TMEM65: variants seen among roughly 807,000 people sequenced by gnomAD.
The protein encoded by TMEM65 is transmembrane protein 65.
TMEM65 carries 22 observed loss-of-function variants against 25.4 expected under a neutral mutation model. The observed-to-expected ratio is 0.86, with a 90% CI of 0.62 to 1.23. The LOEUF (loss-of-function observed/expected upper bound fraction) is 1.23, where lower values mean the gene tolerates loss of function less well. Ranked by LOEUF, TMEM65 falls within the 50% of genes most tolerant of loss-of-function variation. The probability of loss-of-function intolerance (pLI) is 0.00; values close to 1 mark genes in which losing one functional copy is unlikely to be tolerated. For synonymous variants in TMEM65, 132 were observed against 126.2 expected (o/e 1.05, Z -0.31); for missense variants, 262 against 308.2 (o/e 0.85, Z 1.12).
chr8:124,361,254 C>G (rs1451624097), intron 1 of TMEM65, among the ~76,000 whole-genome samples: 14 of 149,978 alleles, frequency 9.3e-5, no homozygotes, highest in Admixed American at 6.6e-5. Context: ...GCCAACATGG[C>G]GAGACCCTGT....
intron 1 of TMEM65, among the ~76,000 whole-genome samples, chr8:124,363,836 CAAAAAAAAAAAAAAAAAAA>C (rs869161640): frequency 1.8e-5 from 1 of 55,714 alleles, no homozygotes. Context: ...GACTCCGTCT[CAAAAAAAAAAAAAAAAAAA>C]AAAAAAAAAA....
intron 1 of TMEM65, among the ~76,000 whole-genome samples, chr8:124,342,125 T>C (rs1203476014): frequency 1.3e-5 from 2 of 152,086 alleles, no homozygotes; most frequent in African/African-American, 4.8e-5. Context: ...ACAGAAATAA[T>C]CAAATTTCCC....
chr8:124,320,328 C>G (rs1814288804), intron 5 of TMEM65, 137 bp from the exon 6 acceptor site: 1 of 494,146 alleles, frequency 2.0e-6, no homozygotes, highest in African/African-American at 2.0e-5. Context: ...ATATAGTAAA[C>G]TAATTACTAC....
chr8:124,355,259 T>G, intron 1 of TMEM65, among the ~76,000 whole-genome samples: 1 of 150,744 alleles, frequency 6.6e-6, no homozygotes, highest in East Asian at 1.9e-4. Context: ...AAAAAAAAAA[T>G]TCTAGGACGT....
chr8:124,367,931 T>C (rs193222124), intron 1 of TMEM65, among the ~76,000 whole-genome samples: 2 of 152,388 alleles, frequency 1.3e-5, no homozygotes, highest in Admixed American at 6.5e-5. Context: ...TTTTATTTGC[T>C]ATATGTAAAA....
intron 3 of TMEM65, among the ~76,000 whole-genome samples, chr8:124,326,268 AC>A (rs1337423610): frequency 3.3e-5 from 5 of 152,036 alleles, no homozygotes; most frequent in Non-Finnish European, 5.9e-5. Flanking sequence ...AAGATCTATT[AC>A]CTTCAATCTA....
chr8:124,355,950 T>C lies in TMEM65; in HGVS notation c.304+15904A>G, dbSNP rs554692669. 5.9e-5 allele frequency among the ~76,000 whole-genome samples: 9 copies of C among 152,296 alleles called. No homozygotes were observed. In the South Asian group the frequency reaches 1.9e-3, roughly 32 times the overall value. On this transcript the variant is annotated intron_variant, in intron 1 of 6. Transcript: ENST00000297632. ...GGAGTCCACACCTTCTTGCAGGTTC[T>C]GTTGCTAGAAATCACACCAGATACA...
intron 1 of TMEM65, among the ~76,000 whole-genome samples, chr8:124,356,096 G>C (rs947183839): frequency 6.6e-6 from 1 of 152,230 alleles, no homozygotes; most frequent in East Asian, 1.9e-4. Flanking sequence ...CAATCTCTAC[G>C]AGTCAATCCT....
chr8:124,360,429 CAAAAA>C (rs55829098), intron 1 of TMEM65, among the ~76,000 whole-genome samples: 1 of 70,630 alleles, frequency 1.4e-5, no homozygotes, highest in Non-Finnish European at 2.8e-5. Flanking sequence ...GACTCTGTCA[CAAAAA>C]AAAAAAAAAA....
intron 1 of TMEM65, among the ~76,000 whole-genome samples, chr8:124,343,511 G>GA (rs2131214450): frequency 6.6e-6 from 1 of 152,086 alleles, no homozygotes; most frequent in African/African-American, 2.4e-5. Context: ...AATTCTGTTG[G>GA]AAAAAACAAT....
At chr8:124,317,737 A>G (rs1376938513) in intron 6 of TMEM65, among the ~76,000 whole-genome samples, 1 of 152,014 alleles carries the variant, frequency 6.6e-6, no homozygotes, top group Non-Finnish European at 1.5e-5. Flanking sequence ...ATGGGGTGTT[A>G]CTCCTGTGAT....
chr8:124,366,117 G>A (rs931375069), intron 1 of TMEM65, among the ~76,000 whole-genome samples: 9 of 152,192 alleles, frequency 5.9e-5, no homozygotes, highest in African/African-American at 2.2e-4. Flanking sequence ...GCTACTCAGG[G>A]AGGCTGAAGC....
chr8:124,339,451 T>G lies in TMEM65; in HGVS notation c.305-8659A>C, dbSNP rs568612792. Among the ~76,000 whole-genome samples, 3 of 151,694 alleles carry G rather than the reference T, an allele frequency of 2.0e-5. No homozygotes were observed. In the East Asian group the frequency reaches 5.8e-4, roughly 29 times the overall value. On this transcript the variant is annotated intron_variant, in intron 1 of 6. Coordinates refer to ENST00000297632, the MANE Select transcript of TMEM65 (RefSeq NM_194291.3). ...TGCTGGATGAAGCTCTCTGAACCTT[T>G]TAAGGTTCAGAGTGCTGCCCAATTC... is the stretch of plus-strand genomic sequence containing the variant.
At chr8:124,354,868 A>G (rs1348223965) in intron 1 of TMEM65, among the ~76,000 whole-genome samples, 2 of 152,204 alleles carry the variant, frequency 1.3e-5, no homozygotes, top group East Asian at 3.8e-4. Flanking sequence ...ATAGGGCATC[A>G]TATCAGAAAC....
At chr8:124,350,525 G>A in intron 1 of TMEM65, among the ~76,000 whole-genome samples, 1 of 150,558 alleles carries the variant, frequency 6.6e-6, no homozygotes, top group East Asian at 2.0e-4. Flanking sequence ...ACCGTAGCAT[G>A]TAACCTGAGT....
chr8:124,323,719 T>C (rs1312609329), intron 3 of TMEM65, among the ~76,000 whole-genome samples: 9 of 152,046 alleles, frequency 5.9e-5, no homozygotes, highest in Non-Finnish European at 7.4e-5. Context: ...CCGACTCACA[T>C]TGATTTTAAA....
intron 1 of TMEM65, among the ~76,000 whole-genome samples, chr8:124,331,349 A>G: frequency 6.7e-6 from 1 of 148,254 alleles, no homozygotes; most frequent in East Asian, 1.9e-4. Context: ...TTTAACTTTT[A>G]TAATATATTA....
rs531321862 is a variant in TMEM65, at chr8:124,354,062, T to C, written c.304+17792A>G. The stretch of plus-strand genomic sequence containing the variant: ...AATCCTGTGATACTCCTGTCAAAGA[T>C]GCATAACTGAAATATATTCATGAGG... On this transcript the variant is annotated intron_variant, in intron 1 of 6. Coordinates refer to ENST00000297632, the MANE Select transcript of TMEM65 (RefSeq NM_194291.3). Among the ~76,000 whole-genome samples the C allele has an allele frequency of 1.8e-4, 28 of 152,224 alleles. 2 individuals are homozygous for C. In the South Asian group the frequency reaches 5.2e-3, roughly 28 times the overall value.
chr8:124,371,183 CT>C (rs1378931996), intron 1 of TMEM65, among the ~76,000 whole-genome samples: 1 of 152,320 alleles, frequency 6.6e-6, no homozygotes, highest in East Asian at 1.9e-4. Flanking sequence ...AATATACCTC[CT>C]TATTTATTTC....
Sources: allele counts gnomAD v4.1 joint callset (sites outside exome capture counted in the v4.1 genomes callset), GRCh38; gene constraint gnomAD v4.1.1; transcripts MANE v1.5; gene names NCBI Gene and HGNC (gene_info 2026-07-23, HGNC 2026-07-21).